Variants in PPP1R9A observed in about 807,000 individuals in gnomAD.
The protein encoded by PPP1R9A is neurabin-1.
A neutral mutation model predicts 141.9 loss-of-function variants in PPP1R9A; 59 were observed. The ratio of observed to expected loss-of-function variants is 0.42; its 90% CI spans 0.34 to 0.52. PPP1R9A has a LOEUF of 0.52. Among genes scored for constraint, PPP1R9A ranks in the 20% least tolerant of loss-of-function variants. PPP1R9A has a pLI of 0.10. For synonymous variants in PPP1R9A, 500 were observed against 569.7 expected, an observed-to-expected ratio of 0.88 and a Z score of 1.74; for missense variants, 1,444 against 1,611.9, an observed-to-expected ratio of 0.90 and a Z score of 1.78.
intron 2 of PPP1R9A, among the ~76,000 whole-genome samples, chr7:95,009,265 C>T (rs1380712593): frequency 2.0e-5 from 3 of 152,070 alleles, no homozygotes. Context: ...CAAACCTGCA[C>T]GTTGTGCACA....
At chr7:94,935,930 G>A (rs1010745825) in intron 2 of PPP1R9A, among the ~76,000 whole-genome samples, 1 of 152,042 alleles carries the variant, frequency 6.6e-6, no homozygotes, top group Non-Finnish European at 1.5e-5. Context: ...TAACCATATT[G>A]CTGTAAAATA....
intron 3 of PPP1R9A, 54 bp downstream of exon 3, chr7:95,111,445 AATT>A (rs1820546507): frequency 6.8e-7 from 1 of 1,479,570 alleles, no homozygotes. Context: ...AATAATACAG[AATT>A]ATTTTTCCAA....
At chr7:95,103,362 C>CTTTTTTTTTGTTTTT (rs1819050914) in intron 2 of PPP1R9A, among the ~76,000 whole-genome samples, 1 of 88,816 alleles carries the variant, frequency 1.1e-5, no homozygotes, top group Non-Finnish European at 2.2e-5. Flanking sequence ...TTTTTCACTT[C>CTTTTTTTTTGTTTTT]TTTTTTTTTT....
intron 4 of PPP1R9A, among the ~76,000 whole-genome samples, chr7:95,129,900 CT>C (rs1275308845): frequency 1.3e-5 from 2 of 152,062 alleles, no homozygotes; most frequent in Non-Finnish European, 2.9e-5. Flanking sequence ...GCAGCAAAGG[CT>C]TCAAGAAGTG....
At chr7:95,247,343 A>G in intron 8 of PPP1R9A, 130 bp from the exon 9 acceptor site, 1 of 633,588 alleles carries the variant, frequency 1.6e-6, no homozygotes, top group Non-Finnish European at 2.7e-6. Context: ...ACTTTAATTT[A>G]CAACTTGCTG....
chr7:95,082,726 T>C (rs1466453694), intron 2 of PPP1R9A, among the ~76,000 whole-genome samples: 1 of 150,428 alleles, frequency 6.6e-6, no homozygotes, highest in East Asian at 1.9e-4. Context: ...GGTGATCCTG[T>C]CTCTTAAAAA....
chr7:95,120,802 C>G lies in PPP1R9A; in HGVS notation c.1619C>G (p.Thr540Arg). ...EKLGIFVKTVTEGGAAQRDGR... is the reference protein window; with the variant it reads ...EKLGIFVKTVREGGAAQRDGR... ...CTGGGAATATTCGTCAAGACAGTAA[C>G]AGAAGGTGGTGCTGCTCAACGGGAT... The change falls in exon 4 of 20, where the codon ACA becomes AGA. Residue 540 changes from threonine to arginine, a missense_variant. Physicochemically the swap from Thr to Arg is moderately conservative, Grantham distance 71. Coordinates refer to ENST00000433360, the MANE Select transcript of PPP1R9A (RefSeq NM_001166160.2). The G allele has an allele frequency of 6.2e-7, 1 of 1,613,806 alleles. No homozygotes were observed. The highest frequency in any genetic ancestry group is 8.5e-7 in the Non-Finnish European group (1 of 1,179,848).
chr7:95,274,357 G>A (rs1424227460), intron 16 of PPP1R9A, among the ~76,000 whole-genome samples, 189 bp downstream of exon 16: 3 of 152,136 alleles, frequency 2.0e-5, no homozygotes, highest in Non-Finnish European at 2.9e-5. Flanking sequence ...ATCTAGCCTT[G>A]GGCATATCCA....
chr7:95,133,085 G>C (rs2152534820), intron 4 of PPP1R9A, among the ~76,000 whole-genome samples: 1 of 152,284 alleles, frequency 6.6e-6, no homozygotes, highest in South Asian at 2.1e-4. Flanking sequence ...GACAGAAGGA[G>C]ATCTCTCAGC....
At chr7:95,015,225 TATACACACACACACACACACAC>T (rs1804930832) in intron 2 of PPP1R9A, among the ~76,000 whole-genome samples, 1 of 149,938 alleles carries the variant, frequency 6.7e-6, no homozygotes, top group African/African-American at 2.4e-5. Flanking sequence ...CGAATATATA[TATACACACACACACACACACAC>T]ATACACACAC....
chr7:95,086,547 A>G lies in PPP1R9A; in HGVS notation c.1396-24712A>G, dbSNP rs915545620. 2.6e-5 allele frequency among the ~76,000 whole-genome samples: 4 copies of G among 152,064 alleles called. No individual in the cohort carries two copies. In the South Asian group the frequency reaches 8.3e-4, roughly 31 times the overall value. On this transcript the variant is annotated intron_variant, in intron 2 of 19. Coordinates refer to ENST00000433360, the MANE Select transcript of PPP1R9A (RefSeq NM_001166160.2). Reference sequence around the variant, plus strand: ...ATTTCCTTGCAACATTTACAGCTATAGAGTTTGTTGATTACTAACTAAGGG... The same window carrying G: ...ATTTCCTTGCAACATTTACAGCTATGGAGTTTGTTGATTACTAACTAAGGG...
At chr7:95,282,341 A>G (rs535285871) in intron 16 of PPP1R9A, among the ~76,000 whole-genome samples, 2 of 152,158 alleles carry the variant, frequency 1.3e-5, no homozygotes, top group Admixed American at 6.6e-5. Flanking sequence ...CAAAAAAAAG[A>G]AAACAGAAGT....
chr7:95,154,266 A>C (rs961472877), intron 4 of PPP1R9A, among the ~76,000 whole-genome samples: 2 of 151,832 alleles, frequency 1.3e-5, no homozygotes, highest in Non-Finnish European at 2.9e-5. Flanking sequence ...TAATTTCATC[A>C]TTGATCCAGT....
intron 4 of PPP1R9A, among the ~76,000 whole-genome samples, chr7:95,145,849 C>G (rs1224872388): frequency 6.6e-6 from 1 of 152,204 alleles, no homozygotes; most frequent in Non-Finnish European, 1.5e-5. Context: ...TGTATGGCTG[C>G]ATAGTAATCC....
At chr7:94,991,286 G>A (rs578054969) in intron 2 of PPP1R9A, among the ~76,000 whole-genome samples, 42 of 152,176 alleles carry the variant, frequency 2.8e-4, no homozygotes, top group African/African-American at 9.9e-4. Context: ...GTGATGTTGA[G>A]CATTTTTTCC....
In PPP1R9A at chr7:95,175,879, G is replaced by T. The variant is rs1348724983; in HGVS notation, c.1754+13908G>T. On this transcript the variant is annotated intron_variant, in intron 5 of 19. Coordinates refer to ENST00000433360, the MANE Select transcript of PPP1R9A (RefSeq NM_001166160.2). ...AACAATAGAAAATAATTAATCTGAG[G>T]GTCTTAAATATTTATCTTTTTTGGA... Among the ~76,000 whole-genome samples, 4 of 151,890 alleles carry T rather than the reference G, an allele frequency of 2.6e-5. No homozygotes were observed. The East Asian group carries it at 7.7e-4, about 29-fold the overall frequency.
chr7:95,157,825 C>T (rs1320405553), intron 4 of PPP1R9A, among the ~76,000 whole-genome samples: 2 of 152,122 alleles, frequency 1.3e-5, no homozygotes, highest in Non-Finnish European at 2.9e-5. Context: ...CACTCTTACC[C>T]AGGGGTGCTT....
At chr7:94,909,706 CTTT>C (rs34862598) in intron 1 of PPP1R9A, among the ~76,000 whole-genome samples, 189 bp from the exon 2 acceptor site, 90 of 128,512 alleles carry the variant, frequency 7.0e-4, no homozygotes, top group Non-Finnish European at 1.3e-3. Context: ...GTGTTTGGAA[CTTT>C]TTTTTTTTTT....
At chr7:95,269,532 T>A (rs1461244013) in intron 14 of PPP1R9A, 25 bp downstream of exon 14, 1 of 1,516,712 alleles carries the variant, frequency 6.6e-7, no homozygotes, top group African/African-American at 1.4e-5. Flanking sequence ...TTTTTCTGAC[T>A]TCATAACACC....
Sources: gnomAD v4.1 joint callset for allele counts (sites outside exome capture counted in the v4.1 genomes callset) on GRCh38, gnomAD v4.1.1 for gene constraint, MANE v1.5 for transcripts, NCBI Gene and HGNC (gene_info 2026-07-23, HGNC 2026-07-21) for gene names.